Variants in RARB observed in about 807,000 individuals in gnomAD.
RARB encodes the protein retinoic acid receptor beta.
In RARB, 17 loss-of-function variants were observed where a neutral mutation model predicts 51.9. The ratio of observed to expected loss-of-function variants is 0.33; its 90% CI spans 0.22 to 0.49. The LOEUF (loss-of-function observed/expected upper bound fraction) is 0.49, where lower values mean the gene tolerates loss of function less well. Ranked by LOEUF, RARB falls within the 20% of genes least tolerant of loss-of-function variation. The probability of loss-of-function intolerance (pLI) is 0.99; values close to 1 mark genes in which losing one functional copy is unlikely to be tolerated. For synonymous variants in RARB, 215 were observed against 195.4 expected, an observed-to-expected ratio of 1.10 and a Z score of -0.84; for missense variants, 369 against 550.8, an observed-to-expected ratio of 0.67 and a Z score of 3.30.
chr3:25,217,923 A>G (rs933353994), intron 5 of RARB, among the ~76,000 whole-genome samples: 1 of 152,184 alleles, frequency 6.6e-6, no homozygotes, highest in Non-Finnish European at 1.5e-5. Flanking sequence ...GGGGTCATCC[A>G]TTAGGCAACA....
At chr3:25,482,794 C>T (rs1196615710) in intron 2 of RARB, among the ~76,000 whole-genome samples, 1 of 151,996 alleles carries the variant, frequency 6.6e-6, no homozygotes, top group South Asian at 2.1e-4. Context: ...CCAGCTCGGC[C>T]TCCCAAAGTG....
intron 4 of RARB, among the ~76,000 whole-genome samples, chr3:25,575,924 A>G (rs1331236086): frequency 6.6e-6 from 1 of 152,190 alleles, no homozygotes; most frequent in Admixed American, 6.5e-5. Context: ...GCTCTCTGCA[A>G]AGTCTAGCTG....
chr3:25,132,471 G>T (rs2125333585), intron 4 of RARB, among the ~76,000 whole-genome samples: 1 of 151,954 alleles, frequency 6.6e-6, no homozygotes. Flanking sequence ...AATAGCAGGA[G>T]CTAGAATCCT....
chr3:25,308,062 A>G (rs1704195508), intron 5 of RARB, among the ~76,000 whole-genome samples: 1 of 152,186 alleles, frequency 6.6e-6, no homozygotes, highest in Admixed American at 6.5e-5. Flanking sequence ...TGTCCCCTAA[A>G]TTATGGTGCC....
At chr3:25,089,981 G>T (rs972048770) in intron 3 of RARB, among the ~76,000 whole-genome samples, 4 of 152,094 alleles carry the variant, frequency 2.6e-5, no homozygotes, top group Non-Finnish European at 4.4e-5. Flanking sequence ...CCTGATGTAG[G>T]ATGTGACTTC....
At chr3:25,186,984 C>A (rs1700994550) in intron 5 of RARB, among the ~76,000 whole-genome samples, 1 of 149,630 alleles carries the variant, frequency 6.7e-6, no homozygotes, top group Admixed American at 6.7e-5. Context: ...ATATCAGTCA[C>A]ACGATGGAAC....
chr3:25,449,267 G>T (rs1055436956), intron 1 of RARB, among the ~76,000 whole-genome samples: 1 of 152,024 alleles, frequency 6.6e-6, no homozygotes, highest in African/African-American at 2.4e-5. Flanking sequence ...CTGAGGGCTG[G>T]GTTCTCAGCA....
chr3:24,991,068 A>G (rs1271595810), intron 2 of RARB, among the ~76,000 whole-genome samples: 1 of 152,258 alleles, frequency 6.6e-6, no homozygotes, highest in Non-Finnish European at 1.5e-5. Flanking sequence ...TCTTGTAAAC[A>G]GCAGCCTTCT....
At chr3:25,080,363 T>C (rs1698969306) in intron 3 of RARB, among the ~76,000 whole-genome samples, 1 of 152,226 alleles carries the variant, frequency 6.6e-6, no homozygotes, top group South Asian at 2.1e-4. Context: ...TTCCACATTT[T>C]AGCTATTTGA....
chr3:25,302,925 G>A (rs1704075038), intron 5 of RARB, among the ~76,000 whole-genome samples: 3 of 152,196 alleles, frequency 2.0e-5, no homozygotes, highest in Admixed American at 2.0e-4. Flanking sequence ...GTGTATGTAA[G>A]AGAAAGGGAG....
chr3:25,363,282 A>T (rs76917500), intron 5 of RARB, among the ~76,000 whole-genome samples: 1 of 151,994 alleles, frequency 6.6e-6, no homozygotes, highest in Non-Finnish European at 1.5e-5. Flanking sequence ...ATGGCTCTCC[A>T]TGATATCTAT....
chr3:25,119,448 A>G (rs1699743475), intron 3 of RARB, among the ~76,000 whole-genome samples: 1 of 152,150 alleles, frequency 6.6e-6, no homozygotes, highest in Non-Finnish European at 1.5e-5. Flanking sequence ...GTGAGGATTA[A>G]GCAAAGTAAT....
chr3:25,145,504 A>AG (rs1700172604), intron 4 of RARB, among the ~76,000 whole-genome samples: 2 of 151,936 alleles, frequency 1.3e-5, no homozygotes, highest in South Asian at 4.2e-4. Flanking sequence ...AAATTTCAAA[A>AG]AAAAGAAAAA....
intron 1 of RARB, among the ~76,000 whole-genome samples, chr3:24,835,029 T>A (rs2125327627): frequency 6.6e-6 from 1 of 152,290 alleles, no homozygotes. Context: ...CTGTCCCTTA[T>A]CCTTTTAAAT....
intron 2 of RARB, among the ~76,000 whole-genome samples, chr3:25,498,334 T>C (rs1697139310): frequency 6.6e-6 from 1 of 152,156 alleles, no homozygotes; most frequent in African/African-American, 2.4e-5. Context: ...TTGTATAAAC[T>C]CATAATATCA....
intron 5 of RARB, among the ~76,000 whole-genome samples, chr3:25,319,424 T>A (rs1704508419): frequency 6.6e-6 from 1 of 152,162 alleles, no homozygotes; most frequent in Non-Finnish European, 1.5e-5. Flanking sequence ...GGGCTTTGAG[T>A]ATTTTGAATC....
intron 3 of RARB, among the ~76,000 whole-genome samples, chr3:25,559,869 G>A (rs1206656272): frequency 6.6e-6 from 1 of 152,064 alleles, no homozygotes; most frequent in East Asian, 1.9e-4. Context: ...TTGGAAGGAT[G>A]GACAGATGGA....
chr3:25,228,013 C>T (rs1016844617), intron 5 of RARB, among the ~76,000 whole-genome samples: 19 of 151,994 alleles, frequency 1.3e-4, no homozygotes, highest in African/African-American at 4.6e-4. Context: ...TGAGGCCAGC[C>T]TGAGTTTTAT....
intron 2 of RARB, among the ~76,000 whole-genome samples, chr3:24,941,734 A>C (rs76391184): frequency 0.021 from 3,227 of 152,228 alleles, 122 homozygotes; most frequent in African/African-American, 0.073. Context: ...TCTTTGCCTC[A>C]TTTTTCTGTG....
Sources: allele counts gnomAD v4.1 joint callset (sites outside exome capture counted in the v4.1 genomes callset), GRCh38; gene constraint gnomAD v4.1.1; transcripts MANE v1.5; gene names NCBI Gene and HGNC (gene_info 2026-07-23, HGNC 2026-07-21).